FAM117A: variants seen among roughly 807,000 people sequenced by gnomAD.
FAM117A encodes protein FAM117A.
In FAM117A, 21 loss-of-function variants were observed where a neutral mutation model predicts 44.1. The observed-to-expected ratio is 0.48, with a 90% CI of 0.34 to 0.69. The LOEUF (loss-of-function observed/expected upper bound fraction) is 0.69. Among genes scored for constraint, FAM117A ranks in the 30% least tolerant of loss-of-function variants. The pLI is 0.01. For synonymous variants in FAM117A, 220 were observed against 238.3 expected, an observed-to-expected ratio of 0.92 and a Z score of 0.71; for missense variants, 498 against 589.9, an observed-to-expected ratio of 0.84 and a Z score of 1.61.
chr17:49,711,587 T>TA (rs1481918083), intron 7 of FAM117A, 32 bp from the exon 8 acceptor site: 1 of 1,599,914 alleles, frequency 6.3e-7, no homozygotes, highest in Admixed American at 1.7e-5. Context: ...ACAAGACACA[T>TA]ACGTACACAC....
At chr17:49,717,936 A>G in intron 5 of FAM117A, 1 of 447,984 alleles carries the variant, frequency 2.2e-6, no homozygotes, top group Non-Finnish European at 4.0e-6. Flanking sequence ...CCCTAATAGC[A>G]CTCACAGTCC....
intron 1 of FAM117A, among the ~76,000 whole-genome samples, chr17:49,736,470 C>A (rs139682776): frequency 1.3e-5 from 2 of 152,102 alleles, no homozygotes; most frequent in Non-Finnish European, 2.9e-5. Flanking sequence ...TGGTCTCGAT[C>A]TCCTGACCTC....
chr17:49,788,824 A>G (rs1313840975), upstream of FAM117A: 4 of 1,584,360 alleles, frequency 2.5e-6, no homozygotes, highest in African/African-American at 5.5e-5. Context: ...GTCGGGCCGC[A>G]GCCGCCGGCA....
At chr17:49,736,387 A>T (rs1446198177) in intron 1 of FAM117A, among the ~76,000 whole-genome samples, 2 of 151,618 alleles carry the variant, frequency 1.3e-5, no homozygotes, top group African/African-American at 4.8e-5. Flanking sequence ...CTCCCAAATA[A>T]CTGGGACTAC....
intron 1 of FAM117A, among the ~76,000 whole-genome samples, chr17:49,775,493 ACTC>A (rs2073773289): frequency 6.6e-6 from 1 of 151,280 alleles, no homozygotes; most frequent in South Asian, 2.1e-4. Context: ...GCTGACTGAC[ACTC>A]CTCCCACTTA....
chr17:49,711,516 A>G lies in FAM117A; in HGVS notation c.1101T>C (p.Pro367=), dbSNP rs2073478400. 2.5e-6 allele frequency: 4 copies of G among 1,614,140 alleles called. No individual in the cohort carries two copies. The highest frequency in any genetic ancestry group is 3.4e-6 in the Non-Finnish European group (4 of 1,180,036). The change falls in exon 8 of 8, where the codon CCT becomes CCC. Residue 367 remains proline, a synonymous_variant. Coordinates refer to ENST00000240364, the MANE Select transcript of FAM117A (RefSeq NM_030802.4). ...GGTTGAAATGGACTTTGTTCTTGTC[A>G]GGACAGGAAGTCAGGAAGGCCAGGT... ...GPDLAFLTSC[P]DKNKVHFNPT... is the part of the protein sequence containing the mutation.
chr17:49,745,068 A>T (rs2073649930), intron 1 of FAM117A, among the ~76,000 whole-genome samples: 1 of 151,552 alleles, frequency 6.6e-6, no homozygotes, highest in Non-Finnish European at 1.5e-5. Flanking sequence ...AGTCTGTACA[A>T]TTTTTTCCAA....
At chr17:49,749,053 C>T (rs1004649486) in intron 1 of FAM117A, among the ~76,000 whole-genome samples, 1 of 152,114 alleles carries the variant, frequency 6.6e-6, no homozygotes, top group African/African-American at 2.4e-5. Flanking sequence ...AACTCCTGAC[C>T]TACTTGATAC....
chr17:49,719,945 C>T (rs2073525726), intron 4 of FAM117A, 51 bp from the exon 5 acceptor site: 2 of 1,567,582 alleles, frequency 1.3e-6, no homozygotes, highest in Non-Finnish European at 1.7e-6. Context: ...CAGGCCTAGA[C>T]AGTCTTTCAT....
At chr17:49,762,032 T>C (rs1326673788) in intron 1 of FAM117A, among the ~76,000 whole-genome samples, 1 of 152,186 alleles carries the variant, frequency 6.6e-6, no homozygotes, top group African/African-American at 2.4e-5. Context: ...TTCCTACATT[T>C]CTACCAGTAT....
chr17:49,740,124 C>G (rs140737958), intron 1 of FAM117A, among the ~76,000 whole-genome samples: 1 of 152,268 alleles, frequency 6.6e-6, no homozygotes, highest in East Asian at 1.9e-4. Context: ...GGCCAGCGGT[C>G]AAGTATCTGC....
chr17:49,777,133 C>T (rs1430242835), intron 1 of FAM117A, among the ~76,000 whole-genome samples: 1 of 152,122 alleles, frequency 6.6e-6, no homozygotes, highest in Non-Finnish European at 1.5e-5. Context: ...GATGGGCACC[C>T]CTGCCTGCCG....
chr17:49,731,351 C>T (rs781683778), intron 2 of FAM117A, among the ~76,000 whole-genome samples: 16 of 152,162 alleles, frequency 1.1e-4, no homozygotes, highest in Non-Finnish European at 2.1e-4. Context: ...AACAAGAGTG[C>T]GTTTAAACTG....
chr17:49,788,949 C>T, upstream of FAM117A: 1 of 1,147,040 alleles, frequency 8.7e-7, no homozygotes, highest in Non-Finnish European at 1.2e-6. Flanking sequence ...TCCCAACTTT[C>T]CGCTCCCCCG....
chr17:49,733,336 CTCT>C (rs2073594582), intron 1 of FAM117A, among the ~76,000 whole-genome samples: 1 of 152,162 alleles, frequency 6.6e-6, no homozygotes, highest in Admixed American at 6.5e-5. Flanking sequence ...TGGTTCTCTC[CTCT>C]GTCTCTGACT....
intron 1 of FAM117A, among the ~76,000 whole-genome samples, chr17:49,750,925 G>A (rs1163583619): frequency 1.3e-5 from 2 of 152,154 alleles, no homozygotes; most frequent in Non-Finnish European, 2.9e-5. Context: ...TCATACAGAA[G>A]CATTTTTGTA....
intron 2 of FAM117A, among the ~76,000 whole-genome samples, chr17:49,724,822 G>GAAAAA (rs906558600): frequency 9.2e-5 from 4 of 43,378 alleles, no homozygotes; most frequent in Admixed American, 1.9e-4. Flanking sequence ...ACAGTCTCAA[G>GAAAAA]AAAAAAAAAA....
At chr17:49,776,955 A>C (rs1055391655) in intron 1 of FAM117A, among the ~76,000 whole-genome samples, 64 of 152,054 alleles carry the variant, frequency 4.2e-4, no homozygotes, top group African/African-American at 1.5e-3. Context: ...AGAGAAAAAG[A>C]CTCACTCCTT....
At chr17:49,774,608 T>G (rs1219602216) in intron 1 of FAM117A, among the ~76,000 whole-genome samples, 1 of 152,220 alleles carries the variant, frequency 6.6e-6, no homozygotes, top group Non-Finnish European at 1.5e-5. Flanking sequence ...TCTGCCCGCC[T>G]CAGCCTCCCA....
Sources: gnomAD v4.1 joint callset for allele counts (sites outside exome capture counted in the v4.1 genomes callset) on GRCh38, gnomAD v4.1.1 for gene constraint, MANE v1.5 for transcripts, NCBI Gene and HGNC (gene_info 2026-07-23, HGNC 2026-07-21) for gene names.